WWOX: variants seen among roughly 807,000 people sequenced by gnomAD.
The protein encoded by WWOX is WW domain-containing oxidoreductase.
In WWOX, 69 loss-of-function variants were observed where a neutral mutation model predicts 46.2. The observed-to-expected ratio is 1.49, with a 90% CI of 1.23 to 1.82. The LOEUF is 1.82. WWOX is among the 40% of genes most tolerant of loss of function. The pLI is 0.00. For missense variants in WWOX, 919 were observed against 542.6 expected, an observed-to-expected ratio of 1.69 and a Z score of -6.89; for synonymous variants, 359 against 202.6, an observed-to-expected ratio of 1.77 and a Z score of -6.56.
At chr16:78,736,731 A>C (rs1406550935) in intron 8 of WWOX, among the ~76,000 whole-genome samples, 1 of 152,030 alleles carries the variant, frequency 6.6e-6, no homozygotes, top group Non-Finnish European at 1.5e-5. Context: ...CTGAGTAGGG[A>C]GGGCACTACA....
At chr16:79,187,139 C>T (rs2051032128) in intron 8 of WWOX, among the ~76,000 whole-genome samples, 3 of 152,208 alleles carry the variant, frequency 2.0e-5, no homozygotes, top group Admixed American at 2.0e-4. Context: ...GGGTTCAAAT[C>T]CCAGCTCCAC....
chr16:78,435,928 A>G (rs888923235), intron 8 of WWOX, among the ~76,000 whole-genome samples: 7 of 152,202 alleles, frequency 4.6e-5, no homozygotes, highest in African/African-American at 1.7e-4. Context: ...GCTCTCCAGT[A>G]TGGTAGTCGT....
At chr16:78,126,432 C>G (rs1017428782) in intron 4 of WWOX, among the ~76,000 whole-genome samples, 3 of 152,192 alleles carry the variant, frequency 2.0e-5, no homozygotes, top group African/African-American at 7.2e-5. Flanking sequence ...TTGCCTATCT[C>G]TGATGATTAG....
At chr16:78,605,944 A>G (rs1429376779) in intron 8 of WWOX, among the ~76,000 whole-genome samples, 1 of 152,236 alleles carries the variant, frequency 6.6e-6, no homozygotes, top group Non-Finnish European at 1.5e-5. Flanking sequence ...CGCATTTGTA[A>G]TAGACTCAGC....
chr16:78,753,818 AAAAAAAAATAT>A (rs1336530456), intron 8 of WWOX, among the ~76,000 whole-genome samples: 1 of 82,604 alleles, frequency 1.2e-5, no homozygotes. Context: ...AAAAAAAAAA[AAAAAAAAATAT>A]ATATATATAT....
chr16:79,172,149 T>G lies in WWOX; in HGVS notation c.1057-39459T>G, dbSNP rs112733272. Among the ~76,000 whole-genome samples, 711 of 152,172 alleles carry G rather than the reference T, an allele frequency of 4.7e-3. 1 individual carries two copies. Among genetic ancestry groups the G allele is most frequent in the Middle Eastern group, 0.014 (4 of 294 alleles). On this transcript the variant is annotated intron_variant, in intron 8 of 8. Coordinates refer to ENST00000566780, the MANE Select transcript of WWOX (RefSeq NM_016373.4). ...TACATTTTCTTGGGTTCCTGGTGGT[T>G]AGTTGTACGCCCCATGAACTTCTCT...
At chr16:78,655,215 G>C (rs1559433) in intron 8 of WWOX, among the ~76,000 whole-genome samples, 129,546 of 152,054 alleles carry the variant, frequency 0.85, 55,945 homozygotes, top group Non-Finnish European at 0.93. Flanking sequence ...TCCCTTCATA[G>C]TCTGCTCTCC....
chr16:78,712,375 G>C (rs1365731637), intron 8 of WWOX, among the ~76,000 whole-genome samples: 1 of 152,052 alleles, frequency 6.6e-6, no homozygotes, highest in Non-Finnish European at 1.5e-5. Flanking sequence ...AGTGTTGTGT[G>C]CCTGTAGGCC....
rs112772165 is a variant in WWOX at position 78,505,434 on chromosome 16, C to G, written c.1056+72682C>G. 2.2e-3 allele frequency among the ~76,000 whole-genome samples: 342 copies of G among 152,272 alleles called. 1 individual carries two copies. Among genetic ancestry groups the G allele is most frequent in the African/African-American group, 7.9e-3 (330 of 41,542 alleles). ...CTGAGATGGAAGAGACTGGAGAAAGCCAATCTGTTTCTCCCTGAAAATCAT... is the reference window on the plus strand; with the variant it reads ...CTGAGATGGAAGAGACTGGAGAAAGGCAATCTGTTTCTCCCTGAAAATCAT... On this transcript the variant is annotated intron_variant, in intron 8 of 8. Coordinates refer to ENST00000566780, the MANE Select transcript of WWOX (RefSeq NM_016373.4).
chr16:78,640,278 T>A (rs897206325), intron 8 of WWOX, among the ~76,000 whole-genome samples: 1 of 144,724 alleles, frequency 6.9e-6, no homozygotes, highest in East Asian at 2.0e-4. Context: ...ATGGTGACTT[T>A]TAGCGAATGG....
chr16:79,147,255 G>A (rs12716870), intron 8 of WWOX, among the ~76,000 whole-genome samples: 1 of 151,922 alleles, frequency 6.6e-6, no homozygotes, highest in Non-Finnish European at 1.5e-5. Flanking sequence ...TTCCTTCTGC[G>A]CCTGCCTCAT....
intron 8 of WWOX, among the ~76,000 whole-genome samples, chr16:78,876,087 C>A (rs1255881464): frequency 6.6e-6 from 1 of 152,158 alleles, no homozygotes; most frequent in East Asian, 1.9e-4. Flanking sequence ...TCTTTTTGTG[C>A]TGAGGAACTC....
chr16:79,121,484 C>T (rs2049630533), intron 8 of WWOX, among the ~76,000 whole-genome samples: 1 of 152,188 alleles, frequency 6.6e-6, no homozygotes, highest in Admixed American at 6.5e-5. Context: ...GCATTGGTTT[C>T]TGTTCGGCTC....
chr16:78,475,413 A>G (rs1055849838), intron 8 of WWOX, among the ~76,000 whole-genome samples: 2 of 152,054 alleles, frequency 1.3e-5, no homozygotes, highest in Admixed American at 1.3e-4. Context: ...GGGATTTGTA[A>G]ATATTTTGCT....
At chr16:79,151,190 C>T (rs1200176943) in intron 8 of WWOX, among the ~76,000 whole-genome samples, 1 of 152,188 alleles carries the variant, frequency 6.6e-6, no homozygotes, top group African/African-American at 2.4e-5. Context: ...AAAAGTGGCA[C>T]CACCTCTTAA....
intron 5 of WWOX, among the ~76,000 whole-genome samples, chr16:78,278,886 T>A (rs2079628476): frequency 6.6e-6 from 1 of 152,198 alleles, no homozygotes; most frequent in Non-Finnish European, 1.5e-5. Context: ...AAAGTGTGTG[T>A]GTTTGTGTGT....
chr16:78,932,333 G>A (rs1356335105), intron 8 of WWOX, among the ~76,000 whole-genome samples: 1 of 152,182 alleles, frequency 6.6e-6, no homozygotes, highest in Non-Finnish European at 1.5e-5. Flanking sequence ...CGCAGTCCTT[G>A]AGACAATTCC....
At position 78,180,978 on chromosome 16, in the gene WWOX, C is replaced by T. The variant is rs117165669; in HGVS notation, c.516+16689C>T. ...TTTTGGAGGTAAGTATAAAAACCTT[C>T]TTGTTTTCTACTACTTAAAGCTGAA... On this transcript the variant is annotated intron_variant, in intron 5 of 8. Transcript: ENST00000566780. Among the ~76,000 whole-genome samples, 643 of 152,282 alleles carry T rather than the reference C, an allele frequency of 4.2e-3. 4 individuals carry two copies. The highest frequency in any genetic ancestry group is 7.1e-3 in the Non-Finnish European group (486 of 68,010).
At chr16:78,735,620 T>C (rs779505727) in intron 8 of WWOX, among the ~76,000 whole-genome samples, 1 of 152,228 alleles carries the variant, frequency 6.6e-6, no homozygotes, top group African/African-American at 2.4e-5. Context: ...GCCCTGTACA[T>C]GAGGAGACAG....
Sources: allele counts gnomAD v4.1 joint callset (sites outside exome capture counted in the v4.1 genomes callset), GRCh38; gene constraint gnomAD v4.1.1; transcripts MANE v1.5; gene names NCBI Gene and HGNC (gene_info 2026-07-23, HGNC 2026-07-21).